SAMD8: variants seen among roughly 807,000 people sequenced by gnomAD.
SAMD8 encodes the protein sphingomyelin synthase-related protein 1.
A neutral mutation model predicts 42.0 loss-of-function variants in SAMD8; 20 were observed. The ratio of observed to expected loss-of-function variants is 0.48; its 90% CI spans 0.34 to 0.69. SAMD8 has a LOEUF of 0.69. SAMD8 is among the 30% of genes least tolerant of loss of function. The pLI, the probability that SAMD8 is intolerant of heterozygous loss-of-function variation, is 0.01. For missense variants in SAMD8, 328 were observed against 511.6 expected, an observed-to-expected ratio of 0.64 and a Z score of 3.46; for synonymous variants, 162 against 173.0, an observed-to-expected ratio of 0.94 and a Z score of 0.50.
chr10:75,129,135 C>T lies in SAMD8; in HGVS notation c.-16+17413C>T, dbSNP rs1032491637. Reference sequence around the variant, plus strand: ...CTTCTTTGTACTTCCTCTTCTTCTTCTTATTTTTTTTTTTTTAAAGACTAG... The same window carrying T: ...CTTCTTTGTACTTCCTCTTCTTCTTTTTATTTTTTTTTTTTTAAAGACTAG... On this transcript the variant is annotated intron_variant, in intron 1 of 5. Transcript: ENST00000542569. Among the ~76,000 whole-genome samples, 7 of 122,468 alleles carry T rather than the reference C, an allele frequency of 5.7e-5. No homozygotes were observed. The Admixed American group carries it at 5.8e-4, about 10-fold the overall frequency. The allele number at this position is 122,468 out of a possible 152,430, so 80.3% of individuals were successfully genotyped here. A position where few individuals can be genotyped will look rare whatever the true frequency, so the allele number is the denominator to read the frequency against.
intron 1 of SAMD8, among the ~76,000 whole-genome samples, chr10:75,148,938 G>A (rs1840214997): frequency 6.6e-6 from 1 of 151,780 alleles, no homozygotes; most frequent in Non-Finnish European, 1.5e-5. Context: ...TTCACAAAAG[G>A]AACAAACTCA....
upstream of SAMD8, chr10:75,109,002 C>T (rs771018890): frequency 6.3e-7 from 1 of 1,595,110 alleles, no homozygotes; most frequent in East Asian, 2.3e-5. Context: ...GGCCAGCTAC[C>T]ACTCACGCAT....
In SAMD8 at chr10:75,136,892, A is replaced by T. The variant is rs563984716; in HGVS notation, c.-15-13622A>T. Among the ~76,000 whole-genome samples, 13 of 152,356 alleles carry T rather than the reference A, an allele frequency of 8.5e-5. No homozygotes were observed. In the South Asian group the frequency reaches 2.7e-3, roughly 32 times the overall value. ...ATGAAATACTACTTTATGTCATAAA[A>T]TGGCTACTATTAAGAAAAAGAACAG... On this transcript the variant is annotated intron_variant, in intron 1 of 5. Transcript: ENST00000542569.
chr10:75,100,388 C>T (rs1304070022), intron 1 of SAMD8, among the ~76,000 whole-genome samples: 1 of 152,172 alleles, frequency 6.6e-6, no homozygotes, highest in Non-Finnish European at 1.5e-5. Context: ...TGGGACCCAG[C>T]CCATCCCATC....
chr10:75,115,889 G>A (rs377166738), intron 1 of SAMD8, among the ~76,000 whole-genome samples: 32 of 150,034 alleles, frequency 2.1e-4, no homozygotes, highest in East Asian at 2.0e-4. Context: ...TGCAGTGAGC[G>A]GAGATCACAC....
In SAMD8 at chr10:75,176,805, G is replaced by A; in HGVS notation, c.*113G>A. The A allele has an allele frequency of 1.3e-6, 1 of 775,894 alleles. No individual in the cohort carries two copies. The highest frequency in any genetic ancestry group is 3.2e-5 in the Admixed American group (1 of 31,352). 48.1% of individuals were successfully genotyped at this position (775,894 alleles called of 1,614,324 possible). A position where few individuals can be genotyped will look rare whatever the true frequency, so the allele number is the denominator to read the frequency against. Reference sequence around the variant, plus strand: ...GATGCCTGGCTTATGTGTTGACAAAGTAAAGTTTTCTGTTCTGAGCAAAGT... The same window carrying A: ...GATGCCTGGCTTATGTGTTGACAAAATAAAGTTTTCTGTTCTGAGCAAAGT... On this transcript the variant is annotated 3_prime_UTR_variant, in exon 6 of 6. Transcript: ENST00000542569. This position sits in a 1 kb window ranked among gnomAD's most constrained non-coding sequence, Gnocchi z 4.3.
chr10:75,100,549 A>G (rs1009357787), intron 1 of SAMD8, among the ~76,000 whole-genome samples: 5 of 151,826 alleles, frequency 3.3e-5, no homozygotes, highest in Non-Finnish European at 7.4e-5. Context: ...ACTACATTCC[A>G]TGTCTCCTTG....
At chr10:75,118,638 C>T (rs751808169) in intron 1 of SAMD8, among the ~76,000 whole-genome samples, 12 of 151,734 alleles carry the variant, frequency 7.9e-5, no homozygotes, top group Non-Finnish European at 1.2e-4. Flanking sequence ...AGCAAGACTC[C>T]GTCTCAAAAA....
At chr10:75,161,831 G>A (rs1033394270) in intron 2 of SAMD8, among the ~76,000 whole-genome samples, 1 of 151,986 alleles carries the variant, frequency 6.6e-6, no homozygotes, top group Non-Finnish European at 1.5e-5. Flanking sequence ...GAGGTCAGGA[G>A]TTCAAGACCA....
At chr10:75,151,879 G>A (rs1163386204) in intron 2 of SAMD8, among the ~76,000 whole-genome samples, 1 of 152,006 alleles carries the variant, frequency 6.6e-6, no homozygotes, top group Non-Finnish European at 1.5e-5. Context: ...AGTAGAGATG[G>A]GGCTTCACCA....
chr10:75,121,482 G>A (rs1278209732), intron 1 of SAMD8, among the ~76,000 whole-genome samples: 1 of 152,010 alleles, frequency 6.6e-6, no homozygotes, highest in Non-Finnish European at 1.5e-5. Context: ...AACACAACAC[G>A]TTTAATGTTT....
At position 75,179,863 on chromosome 10, in the gene SAMD8, T is replaced by C. The variant is rs961214455; in HGVS notation, c.*3171T>C. On this transcript the variant is annotated 3_prime_UTR_variant, in exon 6 of 6. Coordinates refer to ENST00000542569, the MANE Select transcript of SAMD8 (RefSeq NM_001174156.2). ...TTTTTTGACCTTGTATTTGGTTCTG[T>C]AGTTGCAGACTTGTGAAGGCTTACA... is the stretch of plus-strand genomic sequence containing the variant. The C allele has an allele frequency of 6.6e-6, 1 of 152,204 alleles. No homozygotes were observed. Among genetic ancestry groups the C allele is most frequent in the African/African-American group, 2.4e-5 (1 of 41,470 alleles). The allele number at this position is 152,204 out of a possible 1,614,324, so 9.4% of individuals were successfully genotyped here.
chr10:75,116,276 T>G (rs1000113490), intron 1 of SAMD8, among the ~76,000 whole-genome samples: 1 of 152,080 alleles, frequency 6.6e-6, no homozygotes, highest in African/African-American at 2.4e-5. Context: ...TTTTTTTAAA[T>G]TTTTCTTTTG....
chr10:75,116,564 A>G (rs775163633), intron 1 of SAMD8, among the ~76,000 whole-genome samples: 9 of 152,206 alleles, frequency 5.9e-5, no homozygotes, highest in Non-Finnish European at 8.8e-5. Flanking sequence ...GGGCCTTCCT[A>G]TAGGTTAACT....
chr10:75,127,188 A>G (rs1263655084), intron 1 of SAMD8, among the ~76,000 whole-genome samples: 2 of 31,932 alleles, frequency 6.3e-5, no homozygotes, highest in South Asian at 8.1e-4. Context: ...ACTCTGTCTC[A>G]AAAAAAAAAA....
chr10:75,127,935 C>A (rs1477005714), intron 1 of SAMD8, among the ~76,000 whole-genome samples: 1 of 152,144 alleles, frequency 6.6e-6, no homozygotes, highest in Middle Eastern at 3.2e-3. Flanking sequence ...GTTAACTCTT[C>A]CTAGGTGATA....
chr10:75,135,018 G>A (rs1403934401), intron 1 of SAMD8, among the ~76,000 whole-genome samples: 1 of 151,970 alleles, frequency 6.6e-6, no homozygotes, highest in Non-Finnish European at 1.5e-5. Context: ...CTATAATTGT[G>A]TCATTGCTCT....
chr10:75,101,506 T>C (rs1848157037), intron 1 of SAMD8, among the ~76,000 whole-genome samples: 1 of 152,194 alleles, frequency 6.6e-6, no homozygotes, highest in Non-Finnish European at 1.5e-5. Flanking sequence ...TTAGCACTCA[T>C]CAAGGATGTA....
rs1337814252 is a variant in SAMD8, at chr10:75,179,847, C to T, written c.*3155C>T. 6.6e-6 allele frequency: 1 copy of T among 151,910 alleles called. No individual in the cohort carries two copies. Among genetic ancestry groups the T allele is most frequent in the Non-Finnish European group, 1.5e-5 (1 of 68,002 alleles). The allele number at this position is 151,910 out of a possible 1,614,324, so 9.4% of individuals were successfully genotyped here. On this transcript the variant is annotated 3_prime_UTR_variant, in exon 6 of 6. Transcript: ENST00000542569. ...GGCTTTGGTCTACATATTTTTTGAC[C>T]TTGTATTTGGTTCTGTAGTTGCAGA...
Sources: allele counts gnomAD v4.1 joint callset (sites outside exome capture counted in the v4.1 genomes callset), GRCh38; gene constraint gnomAD v4.1.1; non-coding constraint Gnocchi (gnomAD v3.1); transcripts MANE v1.5; gene names NCBI Gene and HGNC (gene_info 2026-07-23, HGNC 2026-07-21).